Variants in TACC3 observed in about 807,000 individuals in gnomAD.
The protein encoded by TACC3 is transforming acidic coiled-coil containing protein 3, also known as transforming acidic coiled-coil-containing protein 3.
In TACC3, 52 loss-of-function variants were observed where a neutral mutation model predicts 86.0. That is an observed-to-expected ratio of 0.60 (90% CI 0.48 to 0.76). The LOEUF is 0.76. Among genes scored for constraint, TACC3 ranks in the 30% least tolerant of loss-of-function variants. TACC3 has a pLI of 0.00. For missense variants in TACC3, 1,120 were observed against 1,070.4 expected, an observed-to-expected ratio of 1.05 and a Z score of -0.65; for synonymous variants, 512 against 430.0, an observed-to-expected ratio of 1.19 and a Z score of -2.36.
rs1950385162 is a variant in TACC3, at chr4:1,744,750, A to G, written c.2369A>G (p.Gln790Arg). The change falls in exon 15 of 16, where the codon CAG becomes CGG. Residue 790 changes from glutamine to arginine, a missense_variant. Coordinates refer to ENST00000313288, the MANE Select transcript of TACC3 (RefSeq NM_006342.3). Reference protein sequence around the residue: ...EEIAQVRSKAQAEALALQASL... With the variant: ...EEIAQVRSKARAEALALQASL... The stretch of plus-strand genomic sequence containing the variant: ...ATCGCCCAGGTCCGGAGCAAGGCCC[A>G]GGCGGAAGCGTTGGCCCTCCAGGCC... The G allele has an allele frequency of 3.1e-6, 5 of 1,612,708 alleles. No individual in the cohort carries two copies. The highest frequency in any genetic ancestry group is 2.2e-5 in the South Asian group (2 of 91,084).
chr4:1,740,720 C>A, intron 12 of TACC3, 106 bp from the exon 13 acceptor site: 1 of 1,019,400 alleles, frequency 9.8e-7, no homozygotes, highest in Non-Finnish European at 1.5e-6. Context: ...CACTGCCCAC[C>A]TCTCCTCCTG....
chr4:1,736,292 A>G (rs1368962128), intron 8 of TACC3, among the ~76,000 whole-genome samples: 1 of 152,004 alleles, frequency 6.6e-6, no homozygotes, highest in Non-Finnish European at 1.5e-5. Flanking sequence ...GTGTGACGGC[A>G]TGCACCTGTA....
intron 12 of TACC3, 53 bp from the exon 13 acceptor site, chr4:1,740,773 C>G (rs1441876921): frequency 1.3e-6 from 2 of 1,532,280 alleles, no homozygotes; most frequent in Admixed American, 1.9e-5. Context: ...GTCTCTGGCA[C>G]CCATCGTTTC....
At chr4:1,726,115 A>G (rs1317516261) in intron 3 of TACC3, among the ~76,000 whole-genome samples, 1 of 152,150 alleles carries the variant, frequency 6.6e-6, no homozygotes, top group East Asian at 1.9e-4. Context: ...TCCAGCCCCA[A>G]CCATCCCAAC....
At chr4:1,726,303 T>C (rs1053492842) in intron 3 of TACC3, among the ~76,000 whole-genome samples, 1 of 152,184 alleles carries the variant, frequency 6.6e-6, no homozygotes, top group Admixed American at 6.5e-5. Context: ...TGCCTGCAGG[T>C]GGCATCCTGC....
rs1718346510 is a variant in TACC3 at position 1,737,622 on chromosome 4, C to T, written c.1861C>T (p.Pro621Ser). Residue 621 changes from proline (P) to serine (S), a missense_variant, in exon 10 of 16, where the codon CCC becomes TCC. Physicochemically the swap from Pro to Ser is moderately conservative, Grantham distance 74. Transcript: ENST00000313288. Reference protein sequence around the residue: ...IPVPGPPPGVPAPGGPPLSTG... With the variant: ...IPVPGPPPGVSAPGGPPLSTG... Reference sequence around the variant, plus strand: ...GGTGCCAGGCCCACCCCCAGGTGTTCCCGCGCCTGGGGGCCCACCCCTGTC... The same window carrying T: ...GGTGCCAGGCCCACCCCCAGGTGTTTCCGCGCCTGGGGGCCCACCCCTGTC... The T allele has an allele frequency of 6.5e-7, 1 of 1,526,756 alleles. No individual in the cohort carries two copies. Among genetic ancestry groups the T allele is most frequent in the East Asian group, 2.5e-5 (1 of 40,674 alleles). The allele number at this position is 1,526,756 out of a possible 1,614,324, so 94.6% of individuals were successfully genotyped here. A position where few individuals can be genotyped will look rare whatever the true frequency, so the allele number is the denominator to read the frequency against.
intron 6 of TACC3, among the ~76,000 whole-genome samples, chr4:1,734,630 G>T (rs561429197): frequency 1.3e-5 from 2 of 152,156 alleles, no homozygotes; most frequent in South Asian, 4.1e-4. Context: ...CACAGTTAGG[G>T]TGTTGATCCA....
At chr4:1,743,616 A>G (rs1268910931) in intron 13 of TACC3, among the ~76,000 whole-genome samples, 1 of 152,206 alleles carries the variant, frequency 6.6e-6, no homozygotes, top group Non-Finnish European at 1.5e-5. Context: ...ACAGTTAACA[A>G]CATTAACAAT....
At chr4:1,723,245 G>A (rs112253035) in intron 1 of TACC3, 176 bp from the exon 2 acceptor site, 7 of 650,882 alleles carry the variant, frequency 1.1e-5, no homozygotes, top group African/African-American at 3.7e-5. Flanking sequence ...AGCAAGATGG[G>A]GACTCAGTCT....
intron 3 of TACC3, among the ~76,000 whole-genome samples, chr4:1,725,826 G>A (rs557879846): frequency 6.7e-4 from 102 of 152,374 alleles, no homozygotes; most frequent in African/African-American, 2.1e-3. Context: ...CAGCCGCTGC[G>A]TGCAGCTGCC....
At chr4:1,731,007 G>A (rs10516159) in intron 5 of TACC3, 45 bp downstream of exon 5, 383,895 of 1,610,168 alleles carry the variant, frequency 0.24, 47,455 homozygotes, top group Non-Finnish European at 0.26. Context: ...GCCTGGTCGT[G>A]TAGAAGAGTA....
At chr4:1,741,107 G>C in intron 13 of TACC3, 121 bp downstream of exon 13, 1 of 960,214 alleles carries the variant, frequency 1.0e-6, no homozygotes, top group Non-Finnish European at 1.6e-6. Context: ...CCCTTGCCAC[G>C]GGGGCATGGG....
chr4:1,737,357 C>T lies in TACC3; in HGVS notation c.1836+29C>T, dbSNP rs775677441. 6 of 1,592,478 alleles carry T rather than the reference C, an allele frequency of 3.8e-6. No homozygotes were observed. In the East Asian group the frequency reaches 1.3e-4, roughly 36 times the overall value. On this transcript the variant is annotated intron_variant, in intron 9 of 15. Transcript: ENST00000313288. ...AGTCCTTGAGTCCCTCTTGAACTGT[C>T]TTGTGTGTGGTCTGAGGGAACGAGT...
Position 1,739,551 on chromosome 4 carries a change from T to C in TACC3, c.1942-151T>C, listed in dbSNP as rs965520294. 1.7e-5 allele frequency: 12 copies of C among 713,354 alleles called. No individual in the cohort carries two copies. The African/African-American group carries it at 2.1e-4, about 13-fold the overall frequency. 44.2% of individuals were successfully genotyped at this position (713,354 alleles called of 1,614,324 possible). On this transcript the variant is annotated intron_variant, in intron 10 of 15. Coordinates refer to ENST00000313288, the MANE Select transcript of TACC3 (RefSeq NM_006342.3). ...CAGGTGGCCTTGGCCTCGACAGGGT[T>C]CCCAGGGTCCCACTGGAAGCCCCAC...
At chr4:1,720,818 G>A (rs1377365713), upstream of TACC3, 1 of 1,590,120 alleles carries the variant, frequency 6.3e-7, no homozygotes, top group Non-Finnish European at 8.5e-7. This position sits in a 1 kb window ranked among gnomAD's most constrained non-coding sequence, Gnocchi z 4.4. Context: ...GAGAGTGAAG[G>A]TCACCTCGGG....
In TACC3 at chr4:1,744,976, T is replaced by G; in HGVS notation, c.2480T>G (p.Ile827Ser). 6.2e-7 allele frequency: 1 copy of G among 1,611,416 alleles called. No homozygotes were observed. Among genetic ancestry groups the G allele is most frequent in the Non-Finnish European group, 8.5e-7 (1 of 1,179,378 alleles). The change falls in exon 16 of 16, where the codon ATC (isoleucine) becomes AGC (serine). Residue 827 changes from isoleucine (I) to serine (S), a missense_variant. Transcript: ENST00000313288. ...KTKENEELTR[I>S]CDDLISKMEK... The stretch of plus-strand genomic sequence containing the variant: ...AAAGAGAACGAGGAGCTGACCAGGA[T>G]CTGCGACGACCTCATCTCCAAGATG...
At chr4:1,721,870 G>A (rs912938056) in intron 1 of TACC3, 13 of 152,296 alleles carry the variant, frequency 8.5e-5, no homozygotes, top group Non-Finnish European at 1.9e-4. Context: ...GGTGGCCAGG[G>A]GCGGCTAGAG....
At chr4:1,739,308 CA>C (rs33985489) in intron 10 of TACC3, 56,769 of 162,190 alleles carry the variant, frequency 0.35, 9,799 homozygotes, top group East Asian at 0.68. Context: ...ACTCTTGTCT[CA>C]AAAAAAAAAA....
intron 1 of TACC3, among the ~76,000 whole-genome samples, chr4:1,722,342 C>A (rs1380854893): frequency 1.3e-5 from 2 of 152,234 alleles, no homozygotes. Context: ...ATCCAGCACC[C>A]CTTCCCCTGC....
Sources: allele counts gnomAD v4.1 joint callset (sites outside exome capture counted in the v4.1 genomes callset), GRCh38; gene constraint gnomAD v4.1.1; non-coding constraint Gnocchi (gnomAD v3.1); transcripts MANE v1.5; gene names NCBI Gene and HGNC (gene_info 2026-07-23, HGNC 2026-07-21).